The following IMPG2 variants were observed in gnomAD, a reference collection of about 807,000 sequenced individuals.
IMPG2 encodes IPM 200.
In IMPG2, 91 loss-of-function variants were observed where a neutral mutation model predicts 129.2. The ratio of observed to expected loss-of-function variants is 0.70; its 90% CI spans 0.59 to 0.84. The LOEUF is 0.84. Ranked by LOEUF, IMPG2 falls within the 40% of genes least tolerant of loss-of-function variation. IMPG2 has a pLI of 0.00. For missense variants in IMPG2, 1,430 were observed against 1,461.7 expected (o/e 0.98, Z 0.35); for synonymous variants, 510 against 517.7 (o/e 0.99, Z 0.20).
chr3:101,234,738 G>T (rs901111042), intron 14 of IMPG2, among the ~76,000 whole-genome samples: 1 of 152,160 alleles, frequency 6.6e-6, no homozygotes, highest in Non-Finnish European at 1.5e-5. Flanking sequence ...GAGGAAGATG[G>T]TACTGCATAG....
At position 101,263,882 on chromosome 3, in the gene IMPG2, C is replaced by A. The variant is rs1403713793; in HGVS notation, c.908+3629G>T. Among the ~76,000 whole-genome samples, 3 of 148,934 alleles carry A rather than the reference C, an allele frequency of 2.0e-5. No homozygotes were observed. In the South Asian group the frequency reaches 6.3e-4, roughly 31 times the overall value. ...CAAAAAAAAAAAAAAAAGAGAGGAC[C>A]CAAATAAAATCAGAAATGAAAAAGG... On this transcript the variant is annotated intron_variant, in intron 9 of 18. Transcript: ENST00000193391.
chr3:101,252,284 G>GT (rs1491511310), intron 11 of IMPG2, among the ~76,000 whole-genome samples: 1 of 152,082 alleles, frequency 6.6e-6, no homozygotes, highest in African/African-American at 2.4e-5. Flanking sequence ...CCCAAGCTGC[G>GT]TGTCTATAGT....
chr3:101,229,646 A>C (rs1477467767), intron 16 of IMPG2, 56 bp from the exon 17 acceptor site: 1 of 1,454,238 alleles, frequency 6.9e-7, no homozygotes, highest in Non-Finnish European at 9.6e-7. Context: ...ACTATGTGGA[A>C]GACTATTTAC....
At chr3:101,247,633 T>A (rs1706497099) in intron 11 of IMPG2, among the ~76,000 whole-genome samples, 1 of 151,826 alleles carries the variant, frequency 6.6e-6, no homozygotes, top group Non-Finnish European at 1.5e-5. Flanking sequence ...TTGAATAACA[T>A]GGAAGCTTTT....
intron 4 of IMPG2, among the ~76,000 whole-genome samples, chr3:101,276,923 T>C (rs950972118): frequency 4.2e-4 from 64 of 152,222 alleles, no homozygotes; most frequent in African/African-American, 1.5e-3. Flanking sequence ...AGAATCACCC[T>C]ACCTAGAATT....
chr3:101,251,446 T>G (rs182169177), intron 11 of IMPG2, among the ~76,000 whole-genome samples: 20 of 152,280 alleles, frequency 1.3e-4, no homozygotes, highest in Non-Finnish European at 1.5e-5. Flanking sequence ...TTTTGAAAGG[T>G]TAACACATAC....
At chr3:101,300,646 T>G (rs558154190) in intron 3 of IMPG2, among the ~76,000 whole-genome samples, 106 of 152,344 alleles carry the variant, frequency 7.0e-4, no homozygotes, top group Non-Finnish European at 1.2e-3. Flanking sequence ...GGCACCACAC[T>G]GCTCTTCCTT....
At chr3:101,317,899 A>T (rs943482976) in intron 2 of IMPG2, among the ~76,000 whole-genome samples, 10 of 152,106 alleles carry the variant, frequency 6.6e-5, no homozygotes, top group Middle Eastern at 3.4e-3. Flanking sequence ...CAGTTCCCAA[A>T]ATACCAAGAT....
intron 14 of IMPG2, among the ~76,000 whole-genome samples, chr3:101,236,143 A>G (rs567822542): frequency 5.3e-4 from 81 of 152,312 alleles, no homozygotes; most frequent in African/African-American, 1.9e-3. Flanking sequence ...GGTTAACACC[A>G]CAAGAGTCAA....
intron 7 of IMPG2, among the ~76,000 whole-genome samples, chr3:101,270,086 C>G (rs1295205737): frequency 6.6e-6 from 1 of 151,606 alleles, no homozygotes; most frequent in Non-Finnish European, 1.5e-5. Flanking sequence ...TACAGGTGTG[C>G]GCCACCATGC....
Position 101,236,084 on chromosome 3 carries a change from T to C in IMPG2, c.3023-3093A>G, listed in dbSNP as rs187894602. On this transcript the variant is annotated intron_variant, in intron 14 of 18. Coordinates refer to ENST00000193391, the MANE Select transcript of IMPG2 (RefSeq NM_016247.4). ...ATGCCTGATAGAATCAACTGCCTTA[T>C]GTTGGAGGTGCTTTGAGCAGATCAA... Among the ~76,000 whole-genome samples the C allele has an allele frequency of 5.9e-3, 896 of 152,338 alleles. 11 individuals carry two copies. The highest frequency in any genetic ancestry group is 0.021 in the African/African-American group (867 of 41,582).
At chr3:101,313,522 A>T (rs2058767613) in intron 2 of IMPG2, among the ~76,000 whole-genome samples, 1 of 152,134 alleles carries the variant, frequency 6.6e-6, no homozygotes, top group Non-Finnish European at 1.5e-5. Context: ...TCTAGCAGAA[A>T]TAACCTGCCC....
In IMPG2 at chr3:101,319,690, T is replaced by A; in HGVS notation, c.228A>T (p.Leu76Phe). The A allele has an allele frequency of 6.2e-7, 1 of 1,613,764 alleles. No individual in the cohort carries two copies. Among genetic ancestry groups the A allele is most frequent in the Non-Finnish European group, 8.5e-7 (1 of 1,179,830 alleles). The change falls in exon 2 of 19, where the codon TTA becomes TTT. Residue 76 changes from leucine to phenylalanine, a missense_variant. Leu to Phe is a conservative substitution (Grantham distance 22). Coordinates refer to ENST00000193391, the MANE Select transcript of IMPG2 (RefSeq NM_016247.4). ...ACAGAATAGATCTCCGCCTTCTGATTAACCACTGTCTTTCAGTTTCTCTGC... is the reference window on the plus strand; with the variant it reads ...ACAGAATAGATCTCCGCCTTCTGATAAACCACTGTCTTTCAGTTTCTCTGC... ...LDRRETERQWLIRRRRSILFP... is the reference protein window; with the variant it reads ...LDRRETERQWFIRRRRSILFP...
intron 3 of IMPG2, among the ~76,000 whole-genome samples, chr3:101,294,152 G>A (rs1212839676): frequency 6.6e-6 from 1 of 152,114 alleles, no homozygotes; most frequent in Non-Finnish European, 1.5e-5. Context: ...GTATACATGT[G>A]CCATGGTGGT....
At chr3:101,252,549 T>C (rs1706555574) in intron 11 of IMPG2, among the ~76,000 whole-genome samples, 1 of 152,152 alleles carries the variant, frequency 6.6e-6, no homozygotes, top group African/African-American at 2.4e-5. Context: ...AGCCACACCT[T>C]ATTTGTCTTA....
chr3:101,308,247 C>A (rs1201701153), intron 2 of IMPG2, among the ~76,000 whole-genome samples: 1 of 150,590 alleles, frequency 6.6e-6, no homozygotes, highest in Non-Finnish European at 1.5e-5. Context: ...CTTCTCATAG[C>A]TCCACTAGTC....
In IMPG2 at chr3:101,222,970, T is replaced by A. The variant is rs1706181435; in HGVS notation, c.*3999A>T. 1 of 152,238 alleles carries A rather than the reference T, an allele frequency of 6.6e-6. No homozygotes were observed. Among genetic ancestry groups the A allele is most frequent in the African/African-American group, 2.4e-5 (1 of 41,470 alleles). 9.4% of individuals were successfully genotyped at this position (152,238 alleles called of 1,614,324 possible). On this transcript the variant is annotated 3_prime_UTR_variant, in exon 19 of 19. Transcript: ENST00000193391. Reference sequence around the variant, plus strand: ...AATCATTTAACCTAGGCTGTAGCTATAACTGTGTGGGCTGAGAGCAGTGTT... The same window carrying A: ...AATCATTTAACCTAGGCTGTAGCTAAAACTGTGTGGGCTGAGAGCAGTGTT...
intron 10 of IMPG2, among the ~76,000 whole-genome samples, chr3:101,256,230 TA>T (rs985289049): frequency 5.5e-4 from 78 of 141,476 alleles, no homozygotes; most frequent in African/African-American, 2.1e-3. Flanking sequence ...AAAAATATCT[TA>T]TTTGGGAAAT....
chr3:101,284,406 A>G (rs1011144401), intron 4 of IMPG2, among the ~76,000 whole-genome samples: 1 of 152,236 alleles, frequency 6.6e-6, no homozygotes, highest in African/African-American at 2.4e-5. Context: ...TGCCCAGTCC[A>G]GTGCTCTTCT....
Sources: allele counts gnomAD v4.1 joint callset (sites outside exome capture counted in the v4.1 genomes callset), GRCh38; gene constraint gnomAD v4.1.1; transcripts MANE v1.5; gene names NCBI Gene and HGNC (gene_info 2026-07-23, HGNC 2026-07-21).